HMGCLL1: variants seen among roughly 807,000 people sequenced by gnomAD.
HMGCLL1 encodes the protein 3-hydroxymethyl-3-methylglutaryl-CoA lyase, cytoplasmic.
HMGCLL1 carries 36 observed loss-of-function variants against 39.1 expected under a neutral mutation model. The ratio of observed to expected loss-of-function variants is 0.92; its 90% CI spans 0.71 to 1.22. The LOEUF (loss-of-function observed/expected upper bound fraction) is 1.22. Among genes scored for constraint, HMGCLL1 ranks in the 50% most tolerant of loss-of-function variants. HMGCLL1 has a pLI of 0.00. For missense variants in HMGCLL1, 451 were observed against 416.5 expected (o/e 1.08, Z -0.72); for synonymous variants, 149 against 144.0 (o/e 1.03, Z -0.25).
chr6:55,472,820 C>T (rs1209605527), intron 7 of HMGCLL1, among the ~76,000 whole-genome samples: 1 of 151,310 alleles, frequency 6.6e-6, no homozygotes, highest in Non-Finnish European at 1.5e-5. Flanking sequence ...TATCTGTCTG[C>T]TTGATATATC....
the HMGCLL1 span, among the ~76,000 whole-genome samples, chr6:55,596,602 T>C: frequency 6.6e-6 from 1 of 152,236 alleles, no homozygotes; most frequent in African/African-American, 2.4e-5. Context: ...GAGCTACGCC[T>C]AAACTCCTAA....
At chr6:55,603,247 T>G in the HMGCLL1 span, among the ~76,000 whole-genome samples, 34 of 152,170 alleles carry the variant, frequency 2.2e-4, no homozygotes, top group African/African-American at 7.9e-4. Flanking sequence ...TAAGAGAATA[T>G]TTTAACCTTT....
chr6:55,594,941 T>A, the HMGCLL1 span, among the ~76,000 whole-genome samples: 1 of 152,214 alleles, frequency 6.6e-6, no homozygotes, highest in Non-Finnish European at 1.5e-5. Flanking sequence ...ATATTGTGTT[T>A]CTTTAAAAAA....
chr6:55,659,032 G>T, the HMGCLL1 span, among the ~76,000 whole-genome samples: 1 of 151,952 alleles, frequency 6.6e-6, no homozygotes, highest in Non-Finnish European at 1.5e-5. Flanking sequence ...AGCAGTCTAA[G>T]TAGAGGTCAA....
intron 7 of HMGCLL1, among the ~76,000 whole-genome samples, chr6:55,463,529 A>C (rs1404556873): frequency 6.6e-6 from 1 of 152,234 alleles, no homozygotes; most frequent in African/African-American, 2.4e-5. Context: ...AAAATATACA[A>C]ATTTCCTAAG....
chr6:55,457,634 G>T (rs771548011), intron 7 of HMGCLL1, among the ~76,000 whole-genome samples: 1 of 152,090 alleles, frequency 6.6e-6, no homozygotes, highest in African/African-American at 2.4e-5. Context: ...CCTACTTTCT[G>T]TCTCTTTCTT....
At chr6:55,574,927 A>G (rs1018977480) in intron 1 of HMGCLL1, among the ~76,000 whole-genome samples, 4 of 151,962 alleles carry the variant, frequency 2.6e-5, no homozygotes, top group Non-Finnish European at 5.9e-5. Flanking sequence ...ATCTCACATA[A>G]TCTACTACTT....
the HMGCLL1 span, among the ~76,000 whole-genome samples, chr6:55,641,904 T>G: frequency 6.8e-6 from 1 of 147,956 alleles, no homozygotes; most frequent in Admixed American, 6.7e-5. Flanking sequence ...ATTTATTTAT[T>G]TATTTATTTA....
intron 5 of HMGCLL1, among the ~76,000 whole-genome samples, chr6:55,507,175 G>T (rs2127431920): frequency 6.6e-6 from 1 of 151,862 alleles, no homozygotes; most frequent in East Asian, 1.9e-4. Context: ...ACAGATTCAG[G>T]AATAGGTTTG....
At chr6:55,524,094 C>T (rs1768183472) in intron 3 of HMGCLL1, among the ~76,000 whole-genome samples, 1 of 151,764 alleles carries the variant, frequency 6.6e-6, no homozygotes, top group Non-Finnish European at 1.5e-5. Context: ...TAGATTACAT[C>T]TTAACACATT....
At position 55,568,892 on chromosome 6, in the gene HMGCLL1, A is replaced by G. The variant is rs568755691; in HGVS notation, c.108+10056T>C. Among the ~76,000 whole-genome samples the G allele has an allele frequency of 2.1e-3, 318 of 152,128 alleles. 2 individuals carry two copies. Among genetic ancestry groups the G allele is most frequent in the South Asian group, 9.1e-3 (44 of 4,816 alleles). ...ACACACACAAACAGCTAAACTTGGAAGGGGATAGACACAGAAAGAAGAAAG... is the reference window on the plus strand; with the variant it reads ...ACACACACAAACAGCTAAACTTGGAGGGGGATAGACACAGAAAGAAGAAAG... On this transcript the variant is annotated intron_variant, in intron 1 of 8. Coordinates refer to ENST00000274901, the MANE Select transcript of HMGCLL1 (RefSeq NM_001042406.2).
At chr6:55,580,129 C>T (rs1230184591), upstream of HMGCLL1, among the ~76,000 whole-genome samples, 1 of 151,864 alleles carries the variant, frequency 6.6e-6, no homozygotes, top group Non-Finnish European at 1.5e-5. Flanking sequence ...AGGAGCCAAC[C>T]GATGCACACC....
the HMGCLL1 span, among the ~76,000 whole-genome samples, chr6:55,604,561 A>G: frequency 6.6e-6 from 1 of 152,190 alleles, no homozygotes; most frequent in Admixed American, 6.6e-5. Context: ...ATATTATACT[A>G]GAGGGACATA....
chr6:55,671,982 G>A, the HMGCLL1 span, among the ~76,000 whole-genome samples: 1 of 151,802 alleles, frequency 6.6e-6, no homozygotes, highest in East Asian at 1.9e-4. Context: ...GTATTTGTGT[G>A]TTCATATGCT....
the HMGCLL1 span, among the ~76,000 whole-genome samples, chr6:55,675,994 T>C: frequency 1.3e-5 from 2 of 152,176 alleles, no homozygotes; most frequent in African/African-American, 2.4e-5. Context: ...AAATCAAGAA[T>C]TGGATGCTTA....
chr6:55,513,110 C>T (rs1767548696), intron 5 of HMGCLL1: 1 of 152,072 alleles, frequency 6.6e-6, no homozygotes, highest in Non-Finnish European at 1.5e-5. Context: ...CTCCTTTTTC[C>T]ATTTCTGCTT....
chr6:55,640,465 A>C, the HMGCLL1 span, among the ~76,000 whole-genome samples: 1 of 152,110 alleles, frequency 6.6e-6, no homozygotes, highest in South Asian at 2.1e-4. Flanking sequence ...ATTAAGCTAT[A>C]CAACTTGTGC....
At chr6:55,453,776 G>A (rs922894385) in intron 7 of HMGCLL1, among the ~76,000 whole-genome samples, 1 of 152,140 alleles carries the variant, frequency 6.6e-6, no homozygotes, top group Non-Finnish European at 1.5e-5. Flanking sequence ...GAAAAAGATT[G>A]TTGTTAAGGA....
the HMGCLL1 span, among the ~76,000 whole-genome samples, chr6:55,641,479 T>A: frequency 2.0e-5 from 3 of 150,952 alleles, no homozygotes; most frequent in Non-Finnish European, 3.0e-5. Context: ...TGTGTGCCTG[T>A]GTGTGTGTGT....
Sources: gnomAD v4.1 joint callset for allele counts (sites outside exome capture counted in the v4.1 genomes callset) on GRCh38, gnomAD v4.1.1 for gene constraint, MANE v1.5 for transcripts, NCBI Gene and HGNC (gene_info 2026-07-23, HGNC 2026-07-21) for gene names.